PAX5: variants seen among roughly 807,000 people sequenced by gnomAD.
The protein encoded by PAX5 is paired box protein Pax-5.
A neutral mutation model predicts 43.7 loss-of-function variants in PAX5; 9 were observed. The ratio of observed to expected loss-of-function variants is 0.21; its 90% CI spans 0.12 to 0.36. PAX5 has a LOEUF of 0.36. Among genes scored for constraint, PAX5 ranks in the 10% least tolerant of loss-of-function variants. The pLI, the probability that PAX5 is intolerant of heterozygous loss-of-function variation, is 1.00. For missense variants in PAX5, 383 were observed against 532.7 expected (o/e 0.72, Z 2.77); for synonymous variants, 228 against 214.3 (o/e 1.06, Z -0.56).
intron 3 of PAX5, among the ~76,000 whole-genome samples, chr9:37,008,317 G>A (rs1171835164): frequency 6.6e-6 from 1 of 152,232 alleles, no homozygotes; most frequent in African/African-American, 2.4e-5. Flanking sequence ...GCCTCCCAAA[G>A]TGCTGGGATT....
intron 1 of PAX5, among the ~76,000 whole-genome samples, 192 bp from the exon 2 acceptor site, chr9:37,020,993 G>T (rs1839803445): frequency 6.6e-6 from 1 of 152,070 alleles, no homozygotes; most frequent in South Asian, 2.1e-4. Context: ...TCTTAGCCTT[G>T]GTCCATCTGC....
chr9:36,970,759 A>G (rs1309603831), intron 5 of PAX5, among the ~76,000 whole-genome samples: 1 of 152,092 alleles, frequency 6.6e-6, no homozygotes, highest in Non-Finnish European at 1.5e-5. Context: ...AGAAGCACAC[A>G]TGTCTCCTCC....
intron 7 of PAX5, among the ~76,000 whole-genome samples, chr9:36,913,292 CCTCT>C (rs770437291): frequency 2.6e-5 from 4 of 152,248 alleles, no homozygotes; most frequent in Non-Finnish European, 4.4e-5. Context: ...CCACAGGAGG[CCTCT>C]CTCTGTCTCC....
At chr9:37,030,564 G>C (rs1485636948) in intron 1 of PAX5, among the ~76,000 whole-genome samples, 5 of 152,218 alleles carry the variant, frequency 3.3e-5, no homozygotes, top group African/African-American at 1.2e-4. Flanking sequence ...ACAGGGCTTT[G>C]GGCCGGGCCC....
chr9:36,887,516 T>G (rs947384657), intron 7 of PAX5, among the ~76,000 whole-genome samples: 1 of 152,094 alleles, frequency 6.6e-6, no homozygotes, highest in Non-Finnish European at 1.5e-5. Flanking sequence ...GAGAAATAAA[T>G]GTAAAAAAAT....
intron 9 of PAX5, among the ~76,000 whole-genome samples, chr9:36,845,170 G>C (rs1219542851): frequency 2.0e-5 from 3 of 152,150 alleles, no homozygotes; most frequent in East Asian, 1.9e-4. Context: ...CCACAGGCCA[G>C]TGTCCAGGTC....
chr9:36,850,446 T>G (rs1429632068), intron 8 of PAX5, among the ~76,000 whole-genome samples: 1 of 152,136 alleles, frequency 6.6e-6, no homozygotes, highest in Non-Finnish European at 1.5e-5. Context: ...GGGAAGGAAA[T>G]GAAAGCCCCT....
At chr9:37,031,120 C>T (rs1333141233) in intron 1 of PAX5, among the ~76,000 whole-genome samples, 3 of 152,230 alleles carry the variant, frequency 2.0e-5, no homozygotes, top group African/African-American at 7.2e-5. Flanking sequence ...TCCCTGTTTT[C>T]AGGAGTTCTT....
intron 8 of PAX5, among the ~76,000 whole-genome samples, chr9:36,851,471 C>T (rs571365235): frequency 4.6e-5 from 7 of 152,016 alleles, no homozygotes; most frequent in Non-Finnish European, 7.4e-5. Context: ...AAGGAGCCAG[C>T]GGGATTGAGA....
rs1554666317 is a variant in PAX5 at position 36,929,277 on chromosome 9, G to GGAAGGAAGGAAC, written c.781-5794_781-5793insGTTCCTTCCTTC. The stretch of plus-strand genomic sequence containing the variant: ...AGGAAGGAAGGAAGGAAGGAAGGAA[G>GGAAGGAAGGAAC]GAAGGAAGGAAGGATGGATGAGAGA... On this transcript the variant is annotated intron_variant, in intron 6 of 9. Coordinates refer to ENST00000358127, the MANE Select transcript of PAX5 (RefSeq NM_016734.3). Among the ~76,000 whole-genome samples the GGAAGGAAGGAAC allele has an allele frequency of 1.6e-3, 245 of 150,110 alleles. 3 individuals carry two copies. Among genetic ancestry groups the GGAAGGAAGGAAC allele is most frequent in the African/African-American group, 5.9e-3 (237 of 40,462 alleles).
At chr9:36,994,089 C>T (rs1451618257) in intron 5 of PAX5, among the ~76,000 whole-genome samples, 1 of 152,172 alleles carries the variant, frequency 6.6e-6, no homozygotes, top group African/African-American at 2.4e-5. Flanking sequence ...CCTGAGCCCC[C>T]ACCCGTGGGA....
chr9:36,973,113 A>C (rs1026936075), intron 5 of PAX5, among the ~76,000 whole-genome samples: 185 of 82,316 alleles, frequency 2.2e-3, no homozygotes, highest in African/African-American at 8.8e-3. Context: ...AGGAAAGGAA[A>C]GGAAAGGAAA....
In PAX5 at chr9:37,034,098, C is replaced by CTTTTTTTTTTTT. The variant is rs576653546; in HGVS notation, c.-79_-68dup. On this transcript the variant is annotated 5_prime_UTR_variant, in exon 1 of 10. Transcript: ENST00000358127. ...TCCACTTTTTTGTGCCTTTTTTTTTCTTTTTTTTTTTTTTTTTTTTTTTTT... is the reference window on the plus strand; with the variant it reads ...TCCACTTTTTTGTGCCTTTTTTTTTCTTTTTTTTTTTTTTTTTTTTTTTTTTTTTTTTTTTTT... 3,405 of 318,784 alleles carry CTTTTTTTTTTTT rather than the reference C, an allele frequency of 0.011. 66 individuals are homozygous for CTTTTTTTTTTTT. The highest frequency in any genetic ancestry group is 0.015 in the East Asian group (274 of 18,328). 19.7% of individuals were successfully genotyped at this position (318,784 alleles called of 1,614,324 possible). A position where few individuals can be genotyped will look rare whatever the true frequency, so the allele number is the denominator to read the frequency against.
intron 1 of PAX5, among the ~76,000 whole-genome samples, chr9:37,021,575 C>T (rs1207641695): frequency 6.6e-6 from 1 of 152,108 alleles, no homozygotes; most frequent in South Asian, 2.1e-4. Context: ...TTATTTTGGT[C>T]CAGGGAAAAT....
chr9:36,938,587 A>G (rs1320773510), intron 6 of PAX5, among the ~76,000 whole-genome samples: 1 of 152,182 alleles, frequency 6.6e-6, no homozygotes, highest in Admixed American at 6.5e-5. Flanking sequence ...GCCTGGTCCA[A>G]CAAAACAGCC....
intron 5 of PAX5, among the ~76,000 whole-genome samples, chr9:36,978,682 G>A (rs189012714): frequency 1.4e-4 from 22 of 152,238 alleles, no homozygotes; most frequent in Admixed American, 1.4e-3. Context: ...GTTTTCAGGA[G>A]AAATCACTAA....
intron 6 of PAX5, among the ~76,000 whole-genome samples, chr9:36,939,778 G>GGA (rs1209616424): frequency 1.3e-5 from 2 of 151,976 alleles, no homozygotes; most frequent in African/African-American, 4.8e-5. Flanking sequence ...AAAAAAAGAG[G>GGA]GAGAGAGAGA....
chr9:36,969,937 T>A (rs1588113184), intron 5 of PAX5, among the ~76,000 whole-genome samples: 1 of 152,370 alleles, frequency 6.6e-6, no homozygotes, highest in East Asian at 1.9e-4. Context: ...CCAAAACACA[T>A]AATTAGTTAT....
At chr9:37,006,821 G>C (rs540734809) in intron 3 of PAX5, among the ~76,000 whole-genome samples, 1 of 152,334 alleles carries the variant, frequency 6.6e-6, no homozygotes, top group Non-Finnish European at 1.5e-5. Flanking sequence ...TGAAGAAAGA[G>C]GATGATGTGT....
Sources: allele counts gnomAD v4.1 joint callset (sites outside exome capture counted in the v4.1 genomes callset), GRCh38; gene constraint gnomAD v4.1.1; transcripts MANE v1.5; gene names NCBI Gene and HGNC (gene_info 2026-07-23, HGNC 2026-07-21).